The following USP13 variants were observed in gnomAD, a reference collection of about 807,000 sequenced individuals.
USP13 encodes ubiquitin specific peptidase 13, also known as ubiquitin carboxyl-terminal hydrolase 13.
USP13 carries 68 observed loss-of-function variants against 107.8 expected under a neutral mutation model. That is an observed-to-expected ratio of 0.63 (90% CI 0.52 to 0.77). The LOEUF is 0.77. Ranked by LOEUF, USP13 falls within the 30% of genes least tolerant of loss-of-function variation. The pLI is 0.00. For missense variants in USP13, 945 were observed against 1,093.3 expected (o/e 0.86, Z 1.91); for synonymous variants, 377 against 389.5 (o/e 0.97, Z 0.38).
At chr3:179,709,971 T>C (rs1712863094) in intron 6 of USP13, among the ~76,000 whole-genome samples, 2 of 127,654 alleles carry the variant, frequency 1.6e-5, no homozygotes, top group African/African-American at 2.4e-5. Context: ...TGTTTTTTCA[T>C]TGAACCGGTG....
At chr3:179,692,134 TG>T (rs1199512004) in intron 3 of USP13, among the ~76,000 whole-genome samples, 1 of 152,206 alleles carries the variant, frequency 6.6e-6, no homozygotes, top group African/African-American at 2.4e-5. Context: ...CATATATAAC[TG>T]GGAGATCAGA....
chr3:179,744,180 G>A (rs1714310461), intron 12 of USP13, among the ~76,000 whole-genome samples: 1 of 152,152 alleles, frequency 6.6e-6, no homozygotes, highest in Non-Finnish European at 1.5e-5. Flanking sequence ...ACTGTCATGG[G>A]TTGTTTGATG....
intron 17 of USP13, among the ~76,000 whole-genome samples, chr3:179,763,672 C>T (rs961956144): frequency 5.3e-5 from 8 of 152,124 alleles, no homozygotes; most frequent in African/African-American, 1.4e-4. Flanking sequence ...CTGCAACCTC[C>T]GCCTCTTGGG....
At chr3:179,744,955 C>T (rs77989643) in intron 12 of USP13, 88 bp from the exon 13 acceptor site, 3 of 1,516,966 alleles carry the variant, frequency 2.0e-6, no homozygotes, top group East Asian at 2.3e-5. Context: ...AGCGCAGAAG[C>T]CTTCAGGGAA....
At chr3:179,699,159 C>G (rs1029711744) in intron 3 of USP13, among the ~76,000 whole-genome samples, 6 of 152,152 alleles carry the variant, frequency 3.9e-5, no homozygotes, top group African/African-American at 1.4e-4. Context: ...AGCCACCATG[C>G]CTGGCCGGGT....
At chr3:179,730,520 ACAG>A in intron 9 of USP13, 93 bp from the exon 10 acceptor site, 1 of 1,029,734 alleles carries the variant, frequency 9.7e-7, no homozygotes. Context: ...GCTCCACCTA[ACAG>A]CAGTTGTACT....
intron 1 of USP13, among the ~76,000 whole-genome samples, chr3:179,668,848 T>G (rs760494742): frequency 7.2e-5 from 11 of 152,264 alleles, no homozygotes; most frequent in Non-Finnish European, 1.3e-4. Flanking sequence ...ATTAATTTGC[T>G]CATTTGCTTC....
intron 10 of USP13, among the ~76,000 whole-genome samples, chr3:179,731,453 T>C (rs953830976): frequency 6.6e-6 from 1 of 152,036 alleles, no homozygotes; most frequent in Non-Finnish European, 1.5e-5. Context: ...AGTCCCTCCG[T>C]AGGACTGAGG....
chr3:179,763,491 G>A (rs1055148849), intron 17 of USP13, among the ~76,000 whole-genome samples: 3 of 152,124 alleles, frequency 2.0e-5, no homozygotes, highest in African/African-American at 7.2e-5. Context: ...CCACTGAATG[G>A]TCTTGTTGAA....
chr3:179,723,026 G>A (rs55686945), intron 8 of USP13, among the ~76,000 whole-genome samples: 2,234 of 152,276 alleles, frequency 0.015, 55 homozygotes, highest in African/African-American at 0.051. Flanking sequence ...CACTGCCTAC[G>A]TGTAGAGAAT....
chr3:179,706,742 A>AAC (rs955638082), intron 4 of USP13, among the ~76,000 whole-genome samples, 192 bp from the exon 5 acceptor site: 3 of 152,180 alleles, frequency 2.0e-5, no homozygotes, highest in African/African-American at 7.2e-5. Flanking sequence ...CAATACTACA[A>AAC]ACACTAGGCC....
At chr3:179,662,038 G>A (rs1307899422) in intron 1 of USP13, among the ~76,000 whole-genome samples, 1 of 152,056 alleles carries the variant, frequency 6.6e-6, no homozygotes, top group Non-Finnish European at 1.5e-5. Context: ...TCTGACTGTG[G>A]CTCTCATGCC....
At chr3:179,673,801 C>T (rs948352874) in intron 1 of USP13, among the ~76,000 whole-genome samples, 1 of 152,206 alleles carries the variant, frequency 6.6e-6, no homozygotes, top group African/African-American at 2.4e-5. Flanking sequence ...GGGCCGAGTT[C>T]ACCTAGCCCT....
chr3:179,684,512 T>A (rs1053733311), intron 2 of USP13, among the ~76,000 whole-genome samples: 2 of 151,624 alleles, frequency 1.3e-5, no homozygotes, highest in Non-Finnish European at 2.9e-5. Flanking sequence ...GGTTTTGCCA[T>A]GTTTCCCAGG....
chr3:179,704,549 A>T (rs1712646659), intron 4 of USP13, among the ~76,000 whole-genome samples: 1 of 152,084 alleles, frequency 6.6e-6, no homozygotes, highest in African/African-American at 2.4e-5. Context: ...AACGCTACTG[A>T]CCGATGACAC....
intron 8 of USP13, among the ~76,000 whole-genome samples, chr3:179,729,981 G>A (rs1263576491): frequency 6.6e-6 from 1 of 152,204 alleles, no homozygotes; most frequent in South Asian, 2.1e-4. Flanking sequence ...AACTTACAAC[G>A]AGGGTTGAGA....
intron 10 of USP13, among the ~76,000 whole-genome samples, chr3:179,735,182 G>A (rs971934374): frequency 6.6e-6 from 1 of 152,178 alleles, no homozygotes; most frequent in East Asian, 1.9e-4. Context: ...ATTGCCTCAG[G>A]TGTCTGAGAG....
intron 3 of USP13, among the ~76,000 whole-genome samples, chr3:179,699,752 TTTATTTATTTA>T (rs1712450726): frequency 1.4e-5 from 1 of 71,914 alleles, no homozygotes; most frequent in Non-Finnish European, 2.5e-5. Context: ...ATTTATTTTA[TTTATTTATTTA>T]TTTATTTATT....
Position 179,774,694 on chromosome 3 carries a change from C to T in USP13, c.2414-7045C>T, listed in dbSNP as rs1322056672. Among the ~76,000 whole-genome samples, 4 of 152,154 alleles carry T rather than the reference C, an allele frequency of 2.6e-5. No individual in the cohort carries two copies. In the East Asian group the frequency reaches 7.7e-4, roughly 29 times the overall value. On this transcript the variant is annotated intron_variant, in intron 19 of 20. Transcript: ENST00000263966. Reference sequence around the variant, plus strand: ...GCAAAGAGCAAAAGAACAAACCTTCCACAGTTTGGAAGGGGACCCAAGCAG... The same window carrying T: ...GCAAAGAGCAAAAGAACAAACCTTCTACAGTTTGGAAGGGGACCCAAGCAG...
Sources: allele counts gnomAD v4.1 joint callset (sites outside exome capture counted in the v4.1 genomes callset), GRCh38; gene constraint gnomAD v4.1.1; transcripts MANE v1.5; gene names NCBI Gene and HGNC (gene_info 2026-07-23, HGNC 2026-07-21).